SHISA6: variants seen among roughly 807,000 people sequenced by gnomAD.
SHISA6 encodes shisa family member 6.
SHISA6 carries 22 observed loss-of-function variants against 47.9 expected under a neutral mutation model. That is an observed-to-expected ratio of 0.46 (90% CI 0.33 to 0.66). The LOEUF (loss-of-function observed/expected upper bound fraction) is 0.66. SHISA6 is among the 30% of genes least tolerant of loss of function. The probability of loss-of-function intolerance (pLI) is 0.02; values close to 1 mark genes in which losing one functional copy is unlikely to be tolerated. For missense variants in SHISA6, 680 were observed against 764.6 expected (o/e 0.89, Z 1.30); for synonymous variants, 388 against 337.8 (o/e 1.15, Z -1.63).
intron 3 of SHISA6, among the ~76,000 whole-genome samples, chr17:11,513,755 C>T (rs1224377527): frequency 6.6e-6 from 1 of 152,188 alleles, no homozygotes; most frequent in African/African-American, 2.4e-5. Flanking sequence ...TCTTCCATGT[C>T]CAGAAACTCA....
chr17:11,257,646 G>A (rs1459444937), intron 1 of SHISA6, among the ~76,000 whole-genome samples: 2 of 139,184 alleles, frequency 1.4e-5, no homozygotes, highest in African/African-American at 5.3e-5. Context: ...GGGCGACCGT[G>A]TGAGATCCTG....
At chr17:11,366,756 G>T (rs1305569083) in intron 2 of SHISA6, among the ~76,000 whole-genome samples, 2 of 152,152 alleles carry the variant, frequency 1.3e-5, no homozygotes, top group African/African-American at 4.8e-5. Flanking sequence ...AGGAATAAAG[G>T]CTCTAGAACA....
At chr17:11,544,730 G>A (rs2071867233) in intron 3 of SHISA6, among the ~76,000 whole-genome samples, 1 of 152,092 alleles carries the variant, frequency 6.6e-6, no homozygotes, top group Admixed American at 6.5e-5. Context: ...GGAGGCCAAG[G>A]CGGGTGGATC....
At chr17:11,491,040 G>A (rs769586991) in intron 3 of SHISA6, among the ~76,000 whole-genome samples, 1 of 152,142 alleles carries the variant, frequency 6.6e-6, no homozygotes, top group Admixed American at 6.5e-5. Context: ...TTCAATAGCC[G>A]GAGTTCCTTT....
At chr17:11,277,318 A>ACACACACCC (rs1389004430) in intron 2 of SHISA6, among the ~76,000 whole-genome samples, 1 of 128,084 alleles carries the variant, frequency 7.8e-6, no homozygotes, top group African/African-American at 3.1e-5. Context: ...ACACACACAC[A>ACACACACCC]CCCCGCATGT....
intron 2 of SHISA6, among the ~76,000 whole-genome samples, chr17:11,275,698 C>T (rs968633700): frequency 5.4e-4 from 82 of 152,084 alleles, no homozygotes; most frequent in Non-Finnish European, 6.6e-4. Context: ...AATGACTGAG[C>T]CATGTGTGAC....
At chr17:11,321,921 T>A (rs1431408392) in intron 2 of SHISA6, among the ~76,000 whole-genome samples, 3 of 152,208 alleles carry the variant, frequency 2.0e-5, no homozygotes, top group African/African-American at 7.2e-5. Context: ...ATTTTATGTG[T>A]GGCTCAAGAC....
Position 11,351,288 on chromosome 17 carries a change from T to A in SHISA6, c.800-28126T>A, listed in dbSNP as rs538895214. The stretch of plus-strand genomic sequence containing the variant: ...CAAACCTGCACATTCTGCACATGTA[T>A]CCCAGAACTTAAAGTAAAATAAATA... On this transcript the variant is annotated intron_variant, in intron 2 of 5. Transcript: ENST00000441885. Among the ~76,000 whole-genome samples the A allele has an allele frequency of 8.6e-4, 131 of 152,256 alleles. 1 individual carries two copies. The highest frequency in any genetic ancestry group is 3.4e-3 in the Middle Eastern group (1 of 294).
chr17:11,458,809 A>G (rs1915618589), intron 3 of SHISA6, among the ~76,000 whole-genome samples: 1 of 152,138 alleles, frequency 6.6e-6, no homozygotes, highest in African/African-American at 2.4e-5. Flanking sequence ...TTGAAAGGTC[A>G]CTTAACCTCT....
chr17:11,557,905 G>A lies in SHISA6; in HGVS notation c.1257G>A (p.Gln419=). 6.4e-7 allele frequency: 1 copy of A among 1,551,622 alleles called. No individual in the cohort carries two copies. The highest frequency in any genetic ancestry group is 8.7e-7 in the Non-Finnish European group (1 of 1,147,002). The part of the protein sequence containing the change: ...RPRRPIRAMS[Q]DRVLSPDRGL... ...GCCGGCCCATCCGGGCCATGTCCCAGGACAGGGTCCTGTCCCCGGATCGGG... is the reference window on the plus strand; with the variant it reads ...GCCGGCCCATCCGGGCCATGTCCCAAGACAGGGTCCTGTCCCCGGATCGGG... The change falls in exon 6 of 6, where the codon CAG becomes CAA. Residue 419 remains glutamine (Q), a synonymous_variant. Coordinates refer to ENST00000441885, the MANE Select transcript of SHISA6 (RefSeq NM_207386.4).
intron 2 of SHISA6, among the ~76,000 whole-genome samples, chr17:11,319,616 A>T (rs1281887115): frequency 2.0e-5 from 3 of 152,216 alleles, no homozygotes; most frequent in Non-Finnish European, 4.4e-5. Flanking sequence ...AACCATCTAA[A>T]TAAGTCATGT....
At chr17:11,397,894 C>G (rs75100437) in intron 3 of SHISA6, among the ~76,000 whole-genome samples, 2,797 of 152,100 alleles carry the variant, frequency 0.018, 90 homozygotes, top group African/African-American at 0.053. Flanking sequence ...TTAGAGCCCC[C>G]CCTTAGGCAT....
chr17:11,304,208 G>C (rs1910025742), intron 2 of SHISA6, among the ~76,000 whole-genome samples: 2 of 152,238 alleles, frequency 1.3e-5, no homozygotes, highest in South Asian at 4.1e-4. Context: ...TCCAGTGAGA[G>C]GGGCCCTGGA....
intron 1 of SHISA6, among the ~76,000 whole-genome samples, chr17:11,259,742 C>T (rs1236613168): frequency 6.6e-6 from 1 of 152,180 alleles, no homozygotes; most frequent in African/African-American, 2.4e-5. Context: ...ATTGTTTCTC[C>T]ATGCCCAAAT....
chr17:11,539,020 AAC>A (rs2071810386), intron 3 of SHISA6, among the ~76,000 whole-genome samples: 1 of 152,140 alleles, frequency 6.6e-6, no homozygotes, highest in Non-Finnish European at 1.5e-5. Context: ...GACTTACTGC[AAC>A]CTCCACCTCC....
chr17:11,452,205 A>G (rs1043077162), intron 3 of SHISA6, among the ~76,000 whole-genome samples: 1 of 152,194 alleles, frequency 6.6e-6, no homozygotes, highest in Non-Finnish European at 1.5e-5. Context: ...TCTCCTGGGG[A>G]TATCGGTGCA....
chr17:11,433,570 G>A (rs895417569), intron 3 of SHISA6, among the ~76,000 whole-genome samples: 1 of 152,152 alleles, frequency 6.6e-6, no homozygotes, highest in Non-Finnish European at 1.5e-5. Context: ...CATTGTGGAA[G>A]ACAGCATGGC....
At chr17:11,491,490 G>A (rs1916475609) in intron 3 of SHISA6, among the ~76,000 whole-genome samples, 1 of 152,028 alleles carries the variant, frequency 6.6e-6, no homozygotes, top group East Asian at 1.9e-4. Context: ...TGTGGAGACG[G>A]GGGTCTCACT....
chr17:11,557,289 G>C (rs902054367), intron 5 of SHISA6, among the ~76,000 whole-genome samples: 8 of 152,206 alleles, frequency 5.3e-5, no homozygotes, highest in Non-Finnish European at 1.2e-4. Context: ...GCTGCTATTT[G>C]GATGTTTTAG....
Sources: allele counts gnomAD v4.1 joint callset (sites outside exome capture counted in the v4.1 genomes callset), GRCh38; gene constraint gnomAD v4.1.1; transcripts MANE v1.5; gene names NCBI Gene and HGNC (gene_info 2026-07-23, HGNC 2026-07-21).